COPG2: variants seen among roughly 807,000 people sequenced by gnomAD.
The protein encoded by COPG2 is coatomer subunit gamma-2.
A neutral mutation model predicts 46.3 loss-of-function variants in COPG2; 37 were observed. The ratio of observed to expected loss-of-function variants is 0.80; its 90% confidence interval spans 0.61 to 1.05. The LOEUF (loss-of-function observed/expected upper bound fraction) is 1.05, where lower values mean the gene tolerates loss of function less well. COPG2 is among the 50% of genes least tolerant of loss of function. The pLI is 0.00. For synonymous variants in COPG2, 159 were observed against 129.7 expected, an observed-to-expected ratio of 1.23 and a Z score of -1.53; for missense variants, 427 against 387.8, an observed-to-expected ratio of 1.10 and a Z score of -0.85.
intron 9 of COPG2, chr7:130,607,413 T>G: frequency 4.6e-6 from 2 of 438,078 alleles, no homozygotes; most frequent in South Asian, 3.4e-5. Context: ...TCCAAATTCT[T>G]TGTACTTCTG....
At chr7:130,535,256 G>A (rs1246529821) in intron 20 of COPG2, among the ~76,000 whole-genome samples, 1 of 152,110 alleles carries the variant, frequency 6.6e-6, no homozygotes, top group Non-Finnish European at 1.5e-5. Flanking sequence ...GGATGCAAGG[G>A]GAAAGGCTTC....
chr7:130,591,001 G>A (rs1794396263), intron 9 of COPG2, among the ~76,000 whole-genome samples: 1 of 151,652 alleles, frequency 6.6e-6, no homozygotes, highest in Non-Finnish European at 1.5e-5. Flanking sequence ...TCTGGGAAGT[G>A]AGGAGCGTCT....
In COPG2 at chr7:130,561,068, A is replaced by G; in HGVS notation, c.1093T>C (p.Ser365Pro). The change falls in exon 12 of 24, where the codon TCT (serine) becomes CCT (proline). Residue 365 changes from serine to proline, a missense_variant. Coordinates refer to ENST00000425248, the MANE Select transcript of COPG2 (RefSeq NM_012133.6). ...SSVDRLMKQISSFVSEISDEF... is the reference protein window; with the variant it reads ...SSVDRLMKQIPSFVSEISDEF... ...TCTGAGATTTCAGACACAAAAGAAG[A>G]TATCTGCTTCATGAGCCGGTCCACA... 1 of 398,572 alleles carries G rather than the reference A, an allele frequency of 2.5e-6. No homozygotes were observed. The highest frequency in any genetic ancestry group is 2.1e-5 in the African/African-American group (1 of 48,754). The allele number at this position is 398,572 out of a possible 1,614,324, so 24.7% of individuals were successfully genotyped here.
chr7:130,529,318 G>T (rs1799802624), intron 20 of COPG2, among the ~76,000 whole-genome samples: 1 of 152,038 alleles, frequency 6.6e-6, no homozygotes, highest in Non-Finnish European at 1.5e-5. Flanking sequence ...AGGGTCTCTG[G>T]AAAATAACAG....
intron 20 of COPG2, among the ~76,000 whole-genome samples, chr7:130,535,005 G>A (rs1236605453): frequency 1.3e-5 from 2 of 152,172 alleles, no homozygotes; most frequent in Non-Finnish European, 2.9e-5. Context: ...GGAAGGCGCT[G>A]GCCTGAATCA....
At chr7:130,665,924 G>A (rs1386249489) in intron 3 of COPG2, among the ~76,000 whole-genome samples, 1 of 151,906 alleles carries the variant, frequency 6.6e-6, no homozygotes, top group Admixed American at 6.6e-5. Context: ...ATTTTTGCTG[G>A]TTTGTCTGCT....
At position 130,547,184 on chromosome 7, in the gene COPG2, A is replaced by G. The variant is rs1256991732; in HGVS notation, c.2149+490T>C. Reference sequence around the variant, plus strand: ...GTGGACACACATGGTTGGCTAAGCTACTCACTAGGCTGAGACATGCTCTCA... The same window carrying G: ...GTGGACACACATGGTTGGCTAAGCTGCTCACTAGGCTGAGACATGCTCTCA... On this transcript the variant is annotated intron_variant, in intron 20 of 23. Transcript: ENST00000425248. 3 of 152,316 alleles carry G rather than the reference A, an allele frequency of 2.0e-5. 1 individual carries two copies. The highest frequency in any genetic ancestry group is 2.0e-4 in the Admixed American group (3 of 15,278). 9.4% of individuals were successfully genotyped at this position (152,316 alleles called of 1,614,324 possible).
chr7:130,629,847 C>T (rs1284084617), intron 5 of COPG2, among the ~76,000 whole-genome samples: 1 of 151,778 alleles, frequency 6.6e-6, no homozygotes, highest in Non-Finnish European at 1.5e-5. Flanking sequence ...GTTAAGTCTA[C>T]GAATGAATCT....
chr7:130,563,974 A>T (rs1793761618), intron 10 of COPG2, among the ~76,000 whole-genome samples: 1 of 152,010 alleles, frequency 6.6e-6, no homozygotes, highest in Non-Finnish European at 1.5e-5. Context: ...ATACGAGGAA[A>T]CAGAAACTTT....
intron 5 of COPG2, among the ~76,000 whole-genome samples, chr7:130,648,242 C>T (rs1554458598): frequency 1.3e-5 from 2 of 152,124 alleles, no homozygotes; most frequent in Admixed American, 6.6e-5. Flanking sequence ...CAAATTACCA[C>T]AATTAGTGGC....
chr7:130,639,663 T>A (rs1206877291), intron 5 of COPG2, among the ~76,000 whole-genome samples: 1 of 152,254 alleles, frequency 6.6e-6, no homozygotes, highest in Non-Finnish European at 1.5e-5. Context: ...CTGCCTCGCC[T>A]TCTGTGCATA....
At chr7:130,602,438 C>T (rs1554450489) in intron 9 of COPG2, among the ~76,000 whole-genome samples, 2 of 151,992 alleles carry the variant, frequency 1.3e-5, no homozygotes, top group African/African-American at 4.8e-5. Context: ...AACACACATA[C>T]ACAGCATACT....
At chr7:130,550,228 T>C (rs1214110441) in intron 17 of COPG2, among the ~76,000 whole-genome samples, 1 of 151,874 alleles carries the variant, frequency 6.6e-6, no homozygotes, top group Non-Finnish European at 1.5e-5. Flanking sequence ...CTGGCCAACA[T>C]GGTGAAATCC....
chr7:130,615,871 TTGTGGACTGTAC>T (rs1404426555), intron 6 of COPG2, among the ~76,000 whole-genome samples: 1 of 152,238 alleles, frequency 6.6e-6, no homozygotes, highest in East Asian at 1.9e-4. Context: ...CAGCCAGTGG[TTGTGGACTGTAC>T]TGTGGTGAGG....
At chr7:130,607,623 T>C (rs746459567) in intron 9 of COPG2, 12 of 503,672 alleles carry the variant, frequency 2.4e-5, no homozygotes, top group African/African-American at 9.7e-5. Flanking sequence ...TATTCTCCTG[T>C]ATATATGTAG....
chr7:130,644,605 T>A (rs1218553147), intron 5 of COPG2, among the ~76,000 whole-genome samples: 25 of 152,216 alleles, frequency 1.6e-4, no homozygotes, highest in Admixed American at 2.0e-4. Context: ...TAAAGGGGGA[T>A]AAATAGTGTC....
At chr7:130,545,785 A>G (rs1793433381) in intron 20 of COPG2, among the ~76,000 whole-genome samples, 1 of 152,140 alleles carries the variant, frequency 6.6e-6, no homozygotes, top group South Asian at 2.1e-4. Context: ...GCTAATTTGT[A>G]AGATCTATGT....
At chr7:130,576,621 A>C (rs1794002963) in intron 9 of COPG2, among the ~76,000 whole-genome samples, 1 of 152,198 alleles carries the variant, frequency 6.6e-6, no homozygotes, top group African/African-American at 2.4e-5. Context: ...TCAAAAGCTC[A>C]AAAAGTTCAA....
chr7:130,519,008 A>C (rs1309878706), intron 20 of COPG2, among the ~76,000 whole-genome samples: 1 of 54,980 alleles, frequency 1.8e-5, no homozygotes, highest in Non-Finnish European at 6.9e-5. Flanking sequence ...TCTGTCTCAA[A>C]AAAAAAAAAA....
Sources: gnomAD v4.1 joint callset for allele counts (sites outside exome capture counted in the v4.1 genomes callset) on GRCh38, gnomAD v4.1.1 for gene constraint, MANE v1.5 for transcripts, NCBI Gene and HGNC (gene_info 2026-07-23, HGNC 2026-07-21) for gene names.